The following COG5 variants were observed in gnomAD, a reference collection of about 807,000 sequenced individuals.
COG5 encodes the protein conserved oligomeric Golgi complex subunit 5.
A neutral mutation model predicts 110.4 loss-of-function variants in COG5; 86 were observed. That is an observed-to-expected ratio of 0.78 (90% CI 0.65 to 0.93). The LOEUF (loss-of-function observed/expected upper bound fraction) is 0.93. Among genes scored for constraint, COG5 ranks in the 40% least tolerant of loss-of-function variants. COG5 has a pLI of 0.00. For missense variants in COG5, 1,077 were observed against 987.0 expected (o/e 1.09, Z -1.22); for synonymous variants, 360 against 334.6 (o/e 1.08, Z -0.83).
At chr7:107,323,498 T>A (rs1189793887) in intron 11 of COG5, among the ~76,000 whole-genome samples, 1 of 152,090 alleles carries the variant, frequency 6.6e-6, no homozygotes, top group East Asian at 1.9e-4. Flanking sequence ...GTGACTGCAC[T>A]CCAGCCTGGG....
chr7:107,352,581 T>C (rs913074978), intron 10 of COG5, among the ~76,000 whole-genome samples: 3 of 108,246 alleles, frequency 2.8e-5, no homozygotes, highest in African/African-American at 1.0e-4. Flanking sequence ...TGAGATTCCA[T>C]AGATAAATAA....
chr7:107,374,650 A>T (rs1814473389), intron 7 of COG5, among the ~76,000 whole-genome samples: 2 of 152,032 alleles, frequency 1.3e-5, no homozygotes, highest in Non-Finnish European at 1.5e-5. Flanking sequence ...TTACTTCTGA[A>T]ATCTATTGGC....
chr7:107,482,088 C>G (rs936611688), intron 6 of COG5, among the ~76,000 whole-genome samples: 7 of 151,944 alleles, frequency 4.6e-5, no homozygotes, highest in Non-Finnish European at 1.0e-4. Flanking sequence ...CCATCTCTGA[C>G]TCTCTGACTT....
At chr7:107,291,254 C>A (rs925126578) in intron 12 of COG5, among the ~76,000 whole-genome samples, 2 of 151,852 alleles carry the variant, frequency 1.3e-5, no homozygotes, top group African/African-American at 4.8e-5. Context: ...TCATTCTTTT[C>A]TTTCTGTTTT....
chr7:107,409,393 A>C (rs547320855), intron 7 of COG5, among the ~76,000 whole-genome samples: 9 of 152,112 alleles, frequency 5.9e-5, no homozygotes, highest in South Asian at 2.1e-4. Context: ...CCAGTAGATT[A>C]CTGAAAGTAA....
chr7:107,549,682 G>A (rs1019063498), intron 3 of COG5, among the ~76,000 whole-genome samples: 2 of 151,590 alleles, frequency 1.3e-5, no homozygotes, highest in African/African-American at 2.4e-5. Flanking sequence ...GATTACAGGC[G>A]TGAGCCACCA....
intron 15 of COG5, among the ~76,000 whole-genome samples, chr7:107,257,763 GA>G (rs1210766450): frequency 2.6e-5 from 4 of 152,116 alleles, no homozygotes; most frequent in Admixed American, 6.5e-5. Flanking sequence ...ATTTCTAGTA[GA>G]AAAATAGCAA....
chr7:107,410,332 T>TA (rs748202938), intron 7 of COG5, among the ~76,000 whole-genome samples: 1 of 152,088 alleles, frequency 6.6e-6, no homozygotes, highest in Non-Finnish European at 1.5e-5. Context: ...CAATTTAATA[T>TA]AAAAAAATAA....
intron 6 of COG5, among the ~76,000 whole-genome samples, chr7:107,513,590 C>T (rs1481838479): frequency 6.6e-6 from 1 of 152,204 alleles, no homozygotes; most frequent in African/African-American, 2.4e-5. Context: ...TATAAAGACA[C>T]ATGCACACGT....
intron 17 of COG5, among the ~76,000 whole-genome samples, chr7:107,239,921 A>C (rs1801482965): frequency 6.6e-6 from 1 of 152,214 alleles, no homozygotes; most frequent in African/African-American, 2.4e-5. Flanking sequence ...ATAACCAAGA[A>C]GTGAATGTTA....
chr7:107,467,924 T>A (rs1171419969), intron 6 of COG5, among the ~76,000 whole-genome samples: 1 of 152,226 alleles, frequency 6.6e-6, no homozygotes, highest in Non-Finnish European at 1.5e-5. Context: ...GCTACCATTA[T>A]GGCTCAGAAA....
chr7:107,350,138 A>G (rs1402368897), intron 10 of COG5, among the ~76,000 whole-genome samples: 1 of 152,214 alleles, frequency 6.6e-6, no homozygotes, highest in Non-Finnish European at 1.5e-5. Flanking sequence ...AGAGGATCAT[A>G]CAAATTTTCT....
intron 14 of COG5, among the ~76,000 whole-genome samples, chr7:107,273,772 T>G (rs1293006849): frequency 6.6e-6 from 1 of 152,054 alleles, no homozygotes; most frequent in Non-Finnish European, 1.5e-5. Flanking sequence ...GAGGATTCCA[T>G]TTACTCAGAG....
At chr7:107,561,404 C>G (rs1400323463) in intron 1 of COG5, among the ~76,000 whole-genome samples, 2 of 152,152 alleles carry the variant, frequency 1.3e-5, no homozygotes, top group Admixed American at 6.5e-5. Context: ...ACAAACTGAA[C>G]TGACAAGTAT....
intron 6 of COG5, among the ~76,000 whole-genome samples, chr7:107,506,541 C>A (rs771730555): frequency 6.6e-6 from 1 of 152,162 alleles, no homozygotes; most frequent in Non-Finnish European, 1.5e-5. Context: ...CTCTGCTGCA[C>A]AGAGAATTGT....
chr7:107,453,149 C>T (rs1443011307), intron 6 of COG5, among the ~76,000 whole-genome samples: 1 of 152,138 alleles, frequency 6.6e-6, no homozygotes, highest in African/African-American at 2.4e-5. Flanking sequence ...AGCAATCAGA[C>T]CTTCCTATGG....
chr7:107,563,545 G>GT (rs1554466264), intron 1 of COG5: 1 of 72,326 alleles, frequency 1.4e-5, no homozygotes, highest in African/African-American at 2.1e-4. Flanking sequence ...CTGGAGGCAT[G>GT]GGGGGGGGGG....
intron 6 of COG5, among the ~76,000 whole-genome samples, chr7:107,434,291 C>A (rs966643194): frequency 1.3e-5 from 2 of 152,092 alleles, no homozygotes; most frequent in Non-Finnish European, 2.9e-5. Flanking sequence ...ATTAGAATCA[C>A]CATATGATAC....
intron 14 of COG5, among the ~76,000 whole-genome samples, chr7:107,275,467 A>G (rs1394726034): frequency 6.6e-6 from 1 of 150,680 alleles, no homozygotes; most frequent in Non-Finnish European, 1.5e-5. Context: ...TTTTTTTTGC[A>G]TATTAACAAC....
Sources: allele counts gnomAD v4.1 joint callset (sites outside exome capture counted in the v4.1 genomes callset), GRCh38; gene constraint gnomAD v4.1.1; transcripts MANE v1.5; gene names NCBI Gene and HGNC (gene_info 2026-07-23, HGNC 2026-07-21).